Variants in ZNF48 observed in about 807,000 individuals in gnomAD.
ZNF48 encodes the protein zinc finger protein 48.
In ZNF48, 20 loss-of-function variants were observed where a neutral mutation model predicts 40.0. The observed-to-expected ratio is 0.50, with a 90% CI of 0.35 to 0.73. The LOEUF (loss-of-function observed/expected upper bound fraction) is 0.73. ZNF48 is among the 30% of genes least tolerant of loss of function. The probability of loss-of-function intolerance (pLI) is 0.01; values close to 1 mark genes in which losing one functional copy is unlikely to be tolerated. For synonymous variants in ZNF48, 298 were observed against 329.7 expected (o/e 0.90, Z 1.04); for missense variants, 726 against 851.9 (o/e 0.85, Z 1.84).
In ZNF48 at chr16:30,382,993, G is replaced by C. The variant is rs1287784782; in HGVS notation, c.-16+4583G>C. ...GTTCCAGACCAGCCTGGGCAACAGA[G>C]GGACGTGCCCCTCTACCATCTCTAC... is the stretch of plus-strand genomic sequence containing the variant. On this transcript the variant is annotated intron_variant, in intron 1 of 2. Coordinates refer to the ZNF48 transcript ENST00000528032. The surrounding 1 kb of genome is among the most constrained non-coding windows in gnomAD (Gnocchi z 4.8). 4 of 606,170 alleles carry C rather than the reference G, an allele frequency of 6.6e-6. No homozygotes were observed. Among genetic ancestry groups the C allele is most frequent in the African/African-American group, 1.8e-5 (1 of 54,442 alleles). The allele number at this position is 606,170 out of a possible 1,614,324, so 37.5% of individuals were successfully genotyped here.
intron 1 of ZNF48, chr16:30,380,979 G>A (rs1252328707): frequency 1.1e-5 from 8 of 735,308 alleles, no homozygotes; most frequent in Non-Finnish European, 1.5e-5. Context: ...TATGCTGGCG[G>A]CTTACCACCC....
chr16:30,380,240 G>A, intron 1 of ZNF48: 1 of 369,710 alleles, frequency 2.7e-6, no homozygotes, highest in East Asian at 5.1e-5. Flanking sequence ...TTCTAAGATG[G>A]GGCAGACATT....
chr16:30,395,221 C>A (rs1046394599), upstream of ZNF48: 2 of 456,228 alleles, frequency 4.4e-6, no homozygotes, highest in East Asian at 6.9e-5. This position sits in a 1 kb window ranked among gnomAD's most constrained non-coding sequence, Gnocchi z 5.9. Context: ...TCGGGCCTCA[C>A]CACCCAGCTG....
In ZNF48 at chr16:30,398,632, G is replaced by C; in HGVS notation, c.1382G>C (p.Arg461Pro). The C allele has an allele frequency of 6.2e-7, 1 of 1,613,206 alleles. No homozygotes were observed. Among genetic ancestry groups the C allele is most frequent in the Non-Finnish European group, 8.5e-7 (1 of 1,179,962 alleles). The stretch of plus-strand genomic sequence containing the variant: ...TGCCCTGAGTGTGGCAAGGGCTTCC[G>C]CCGAAGCTCTGACCTGGTGAAACAC... Reference protein sequence around the residue: ...HKCPECGKGFRRSSDLVKHHR... With the variant: ...HKCPECGKGFPRSSDLVKHHR... Residue 461 changes from arginine to proline, a missense_variant, in exon 3 of 3, where the codon CGC becomes CCC. Coordinates refer to ENST00000613509, the MANE Select transcript of ZNF48 (RefSeq NM_001214909.2). This position sits in a 1 kb window ranked among gnomAD's most constrained non-coding sequence, Gnocchi z 6.6.
In ZNF48 at chr16:30,381,961, C is replaced by A. The variant is rs954825196; in HGVS notation, c.-16+3551C>A. ...ATTTCCTTTGTCAATATCACAGTTGCCTGCACCCATTTCCCAGGGGAGGAA... is the reference window on the plus strand; with the variant it reads ...ATTTCCTTTGTCAATATCACAGTTGACTGCACCCATTTCCCAGGGGAGGAA... On this transcript the variant is annotated intron_variant, in intron 1 of 2. Coordinates refer to the ZNF48 transcript ENST00000528032. This position sits in a 1 kb window ranked among gnomAD's most constrained non-coding sequence, Gnocchi z 4.3. 2 of 1,605,790 alleles carry A rather than the reference C, an allele frequency of 1.2e-6. No homozygotes were observed. Among genetic ancestry groups the A allele is most frequent in the African/African-American group, 2.7e-5 (2 of 74,644 alleles).
Position 30,398,598 on chromosome 16 carries a change from C to T in ZNF48, c.1348C>T (p.Pro450Ser), listed in dbSNP as rs1732936893. 6.2e-7 allele frequency: 1 copy of T among 1,612,394 alleles called. No homozygotes were observed. Among genetic ancestry groups the T allele is most frequent in the Non-Finnish European group, 8.5e-7 (1 of 1,179,866 alleles). Reference protein sequence around the residue: ...EPPPPLAGDKPHKCPECGKGF... With the variant: ...EPPPPLAGDKSHKCPECGKGF... Reference sequence around the variant, plus strand: ...ACCCCCACCACTGGCGGGCGACAAGCCCCACAAGTGCCCTGAGTGTGGCAA... The same window carrying T: ...ACCCCCACCACTGGCGGGCGACAAGTCCCACAAGTGCCCTGAGTGTGGCAA... Residue 450 changes from proline to serine, a missense_variant, in exon 3 of 3, where the codon CCC (proline) becomes TCC (serine). This residue lies in a region of ZNF48 where 378 missense variants were observed against 449.1 expected (regional missense o/e 0.84). Coordinates refer to ENST00000613509, the MANE Select transcript of ZNF48 (RefSeq NM_001214909.2). This position sits in a 1 kb window ranked among gnomAD's most constrained non-coding sequence, Gnocchi z 6.6.
Position 30,398,602 on chromosome 16 carries a change from A to G in ZNF48, c.1352A>G (p.His451Arg). Residue 451 changes from histidine (H) to arginine (R), a missense_variant, in exon 3 of 3, where the codon CAC becomes CGC. His to Arg is a conservative substitution (Grantham distance 29). Transcript: ENST00000613509. The surrounding 1 kb of genome is among the most constrained non-coding windows in gnomAD (Gnocchi z 6.6). ...PPPPLAGDKP[H>R]KCPECGKGFR... is the part of the protein sequence containing the mutation. Reference sequence around the variant, plus strand: ...CCACCACTGGCGGGCGACAAGCCCCACAAGTGCCCTGAGTGTGGCAAGGGC... The same window carrying G: ...CCACCACTGGCGGGCGACAAGCCCCGCAAGTGCCCTGAGTGTGGCAAGGGC... The G allele has an allele frequency of 6.2e-7, 1 of 1,612,234 alleles. No individual in the cohort carries two copies. Among genetic ancestry groups the G allele is most frequent in the Non-Finnish European group, 8.5e-7 (1 of 1,179,738 alleles).
Position 30,399,110 on chromosome 16 carries a change from CG to C in ZNF48, c.*5del, listed in dbSNP as rs747196965. 6.3e-5 allele frequency: 99 copies of C among 1,572,918 alleles called. No individual in the cohort carries two copies. Among genetic ancestry groups the C allele is most frequent in the Middle Eastern group, 1.7e-4 (1 of 5,896 alleles). ...AGGCAGCAACAGGACTGGAATGACGCGGTCCAGGGAGGGCGGAGGCCCAGGA... is the reference window on the plus strand; with the variant it reads ...AGGCAGCAACAGGACTGGAATGACGCGTCCAGGGAGGGCGGAGGCCCAGGA... On this transcript the variant is annotated 3_prime_UTR_variant, in exon 3 of 3. Transcript: ENST00000613509.
Position 30,399,076 on chromosome 16 carries a change from T to G in ZNF48, c.1826T>G (p.Leu609Arg). 1.2e-6 allele frequency: 2 copies of G among 1,600,654 alleles called. No individual in the cohort carries two copies. The highest frequency in any genetic ancestry group is 1.7e-6 in the Non-Finnish European group (2 of 1,172,666). Residue 609 changes from leucine (L) to arginine (R), a missense_variant, in exon 3 of 3, where the codon CTC becomes CGC. By Grantham distance (102) the Leu-to-Arg change is moderately radical. Transcript: ENST00000613509. The stretch of plus-strand genomic sequence containing the variant: ...ATAGGGGATGGTAGGGCAAGGCCCC[T>G]CAAGCAGGAGGCAGCAACAGGACTG... ...FGIGDGRARP[L>R]KQEAATGLE
At chr16:30,380,874 C>G (rs2049836517) in intron 1 of ZNF48, 5 of 546,418 alleles carry the variant, frequency 9.2e-6, no homozygotes, top group Non-Finnish European at 1.3e-5. Flanking sequence ...TCACTATGTT[C>G]TCATGTCTAT....
At chr16:30,394,030 CT>C (rs761579523), upstream of ZNF48, among the ~76,000 whole-genome samples, 617 of 142,882 alleles carry the variant, frequency 4.3e-3, no homozygotes, top group Non-Finnish European at 4.1e-3. Flanking sequence ...TTCTCTCTCT[CT>C]TTTTTTTTTT....
At chr16:30,389,726 C>A (rs372179777) in intron 1 of ZNF48, among the ~76,000 whole-genome samples, 1 of 144,616 alleles carries the variant, frequency 6.9e-6, no homozygotes, top group African/African-American at 2.6e-5. Context: ...TTTGCTTTGA[C>A]AAAGGAAGGC....
rs763865898 is a variant in ZNF48 at position 30,382,293 on chromosome 16, A to G, written c.-16+3883A>G. The G allele has an allele frequency of 3.1e-6, 5 of 1,613,778 alleles. No individual in the cohort carries two copies. Among genetic ancestry groups the G allele is most frequent in the East Asian group, 4.5e-5 (2 of 44,890 alleles). On this transcript the variant is annotated intron_variant, in intron 1 of 2. Coordinates refer to the ZNF48 transcript ENST00000528032. This position sits in a 1 kb window ranked among gnomAD's most constrained non-coding sequence, Gnocchi z 4.8. Reference sequence around the variant, plus strand: ...CCCAGACCTGCCACCATTAGCGTGAAGTCAAACCCCTTCTTGACAGACTTG... The same window carrying G: ...CCCAGACCTGCCACCATTAGCGTGAGGTCAAACCCCTTCTTGACAGACTTG...
chr16:30,378,463 C>T (rs766275412), intron 1 of ZNF48: 33 of 1,575,594 alleles, frequency 2.1e-5, no homozygotes, highest in Non-Finnish European at 2.6e-5. Context: ...TCGCCCTGGG[C>T]CTGGCTCTGC....
chr16:30,389,406 AT>A (rs1167872515), intron 1 of ZNF48, among the ~76,000 whole-genome samples: 12 of 145,886 alleles, frequency 8.2e-5, no homozygotes, highest in African/African-American at 1.3e-4. Flanking sequence ...AAAAAAAAAA[AT>A]AATAATAATA....
rs1490780875 is a variant in ZNF48 at position 30,395,555 on chromosome 16, G to C, written c.-39G>C. 4.5e-6 allele frequency: 1 copy of C among 221,766 alleles called. No individual in the cohort carries two copies. Among genetic ancestry groups the C allele is most frequent in the East Asian group, 1.5e-4 (1 of 6,452 alleles). 13.7% of individuals were successfully genotyped at this position (221,766 alleles called of 1,614,324 possible). ...AGGAGCTCCGGAGGGCGCCGGGGTGGCGGAGCCGGAGGCGGCCGGCAAGGT... is the reference window on the plus strand; with the variant it reads ...AGGAGCTCCGGAGGGCGCCGGGGTGCCGGAGCCGGAGGCGGCCGGCAAGGT... On this transcript the variant is annotated 5_prime_UTR_variant, in exon 1 of 3. Coordinates refer to ENST00000613509, the MANE Select transcript of ZNF48 (RefSeq NM_001214909.2). The surrounding 1 kb of genome is among the most constrained non-coding windows in gnomAD (Gnocchi z 5.9).
Position 30,397,266 on chromosome 16 carries a change from G to A in ZNF48, c.80-64G>A, listed in dbSNP as rs2049993394. ...TTGTCAAGGGAGTCTTCCTGGAGAG[G>A]TTGCTGTCAAAGATAAGTACCGAGC... On this transcript the variant is annotated intron_variant, in intron 2 of 2. Coordinates refer to ENST00000613509, the MANE Select transcript of ZNF48 (RefSeq NM_001214909.2). This position sits in a 1 kb window ranked among gnomAD's most constrained non-coding sequence, Gnocchi z 4.1. The A allele has an allele frequency of 4.2e-6, 6 of 1,442,052 alleles. No individual in the cohort carries two copies. Among genetic ancestry groups the A allele is most frequent in the Non-Finnish European group, 5.7e-6 (6 of 1,060,004 alleles). 89.3% of individuals were successfully genotyped at this position (1,442,052 alleles called of 1,614,324 possible).
Position 30,395,998 on chromosome 16 carries a change from A to T in ZNF48, c.79+125A>T. ...GCTGTGCCTCTGGGGAGATAGGGGG[A>T]GGGGAGCTTTCGGAGCACCAACTGT... On this transcript the variant is annotated intron_variant, in intron 2 of 2. Transcript: ENST00000613509. This position sits in a 1 kb window ranked among gnomAD's most constrained non-coding sequence, Gnocchi z 5.9. The T allele has an allele frequency of 9.5e-7, 1 of 1,050,268 alleles. No individual in the cohort carries two copies. Among genetic ancestry groups the T allele is most frequent in the South Asian group, 2.3e-5 (1 of 43,814 alleles). The allele number at this position is 1,050,268 out of a possible 1,614,324, so 65.1% of individuals were successfully genotyped here.
Position 30,397,211 on chromosome 16 carries a change from C to T in ZNF48, c.80-119C>T. On this transcript the variant is annotated intron_variant, in intron 2 of 2. Coordinates refer to ENST00000613509, the MANE Select transcript of ZNF48 (RefSeq NM_001214909.2). The surrounding 1 kb of genome is among the most constrained non-coding windows in gnomAD (Gnocchi z 4.1). ...GTAAGTGCACCAGAGGTTGAGAGGACAGAGAGATTGGGGTTCCTGTGACCA... is the reference window on the plus strand; with the variant it reads ...GTAAGTGCACCAGAGGTTGAGAGGATAGAGAGATTGGGGTTCCTGTGACCA... The T allele has an allele frequency of 2.2e-6, 2 of 888,934 alleles. No homozygotes were observed. The highest frequency in any genetic ancestry group is 2.5e-5 in the East Asian group (1 of 40,502). The allele number at this position is 888,934 out of a possible 1,614,324, so 55.1% of individuals were successfully genotyped here.
Sources: gnomAD v4.1 joint callset for allele counts (sites outside exome capture counted in the v4.1 genomes callset) on GRCh38, gnomAD v4.1.1 for gene constraint, gnomAD v4.1.1 regional missense constraint, Gnocchi (gnomAD v3.1) non-coding constraint, MANE v1.5 for transcripts, NCBI Gene and HGNC (gene_info 2026-07-23, HGNC 2026-07-21) for gene names.